The following TENM2 variants were observed in gnomAD, a reference collection of about 807,000 sequenced individuals.
TENM2 encodes the protein teneurin-2.
In TENM2, 52 loss-of-function variants were observed where a neutral mutation model predicts 245.2. The observed-to-expected ratio is 0.21, with a 90% CI of 0.17 to 0.27. The LOEUF is 0.27. TENM2 is among the 10% of genes least tolerant of loss of function. The pLI is 1.00. For synonymous variants in TENM2, 1,363 were observed against 1,438.9 expected (o/e 0.95, Z 1.19); for missense variants, 3,046 against 3,666.8 (o/e 0.83, Z 4.37).
intron 2 of TENM2, among the ~76,000 whole-genome samples, chr5:167,758,833 G>A (rs1762474971): frequency 1.3e-5 from 2 of 151,904 alleles, no homozygotes; most frequent in African/African-American, 4.8e-5. Flanking sequence ...CATATTGCCA[G>A]GTTTGGGTGT....
At chr5:167,230,408 C>G in the TENM2 span, among the ~76,000 whole-genome samples, 1 of 152,166 alleles carries the variant, frequency 6.6e-6, no homozygotes, top group East Asian at 1.9e-4. Flanking sequence ...CCTGACACTT[C>G]TCTGTTGGAT....
intron 2 of TENM2, among the ~76,000 whole-genome samples, chr5:167,675,458 G>A (rs1756253018): frequency 6.6e-6 from 1 of 152,074 alleles, no homozygotes; most frequent in South Asian, 2.1e-4. Flanking sequence ...CACCTTGAAA[G>A]GCTATGTCTG....
intron 2 of TENM2, among the ~76,000 whole-genome samples, chr5:167,403,348 G>A (rs1327793524): frequency 2.6e-5 from 4 of 151,676 alleles, no homozygotes; most frequent in Non-Finnish European, 5.9e-5. Context: ...GTAGCCTGAA[G>A]ACGAAACATA....
At chr5:167,686,174 T>G (rs528638902) in intron 2 of TENM2, among the ~76,000 whole-genome samples, 2 of 152,316 alleles carry the variant, frequency 1.3e-5, no homozygotes, top group African/African-American at 4.8e-5. Context: ...GCAAAGAACA[T>G]CTTTGTAAGG....
At chr5:167,890,852 T>G (rs1774692858) in intron 3 of TENM2, among the ~76,000 whole-genome samples, 1 of 152,230 alleles carries the variant, frequency 6.6e-6, no homozygotes, top group Admixed American at 6.5e-5. Context: ...ATCTCCATGT[T>G]GGCACACCAT....
At chr5:168,187,847 G>A (rs1210190256) in intron 13 of TENM2, 1 of 152,172 alleles carries the variant, frequency 6.6e-6, no homozygotes, top group African/African-American at 2.4e-5. Context: ...GGGAACTGGG[G>A]AGTATCCGAT....
At chr5:167,458,364 G>A (rs1427302300) in intron 2 of TENM2, among the ~76,000 whole-genome samples, 1 of 151,578 alleles carries the variant, frequency 6.6e-6, no homozygotes, top group Admixed American at 6.6e-5. Flanking sequence ...GCACGTGCCT[G>A]TGATCCCAGC....
At chr5:167,604,972 A>G (rs1335368905) in intron 2 of TENM2, among the ~76,000 whole-genome samples, 1 of 152,214 alleles carries the variant, frequency 6.6e-6, no homozygotes, top group African/African-American at 2.4e-5. Context: ...GGAAGATGAT[A>G]TGCTAGGCAA....
At chr5:167,366,129 A>C (rs1464979007) in intron 1 of TENM2, among the ~76,000 whole-genome samples, 1 of 152,026 alleles carries the variant, frequency 6.6e-6, no homozygotes, top group African/African-American at 2.4e-5. Flanking sequence ...TGGTGAAACC[A>C]ATTCAGTTAA....
chr5:167,021,900 A>G, the TENM2 span, among the ~76,000 whole-genome samples: 1 of 152,188 alleles, frequency 6.6e-6, no homozygotes, highest in African/African-American at 2.4e-5. Context: ...TAGTGCCAAC[A>G]CTTCATAGAA....
chr5:168,191,515 A>C (rs1010219342), intron 14 of TENM2, among the ~76,000 whole-genome samples: 1 of 152,048 alleles, frequency 6.6e-6, no homozygotes, highest in Non-Finnish European at 1.5e-5. Context: ...GTGGTCCTTC[A>C]CATCAAGAAA....
At chr5:168,092,962 A>T (rs1793066649) in intron 8 of TENM2, among the ~76,000 whole-genome samples, 1 of 152,178 alleles carries the variant, frequency 6.6e-6, no homozygotes, top group South Asian at 2.1e-4. Context: ...TAGCCACATG[A>T]GGTAGCACTA....
At chr5:167,386,040 C>T (rs1159299203) in intron 2 of TENM2, among the ~76,000 whole-genome samples, 2 of 152,058 alleles carry the variant, frequency 1.3e-5, no homozygotes, top group Non-Finnish European at 2.9e-5. Context: ...TGAGTAGATA[C>T]ACAGTAGTGA....
intron 2 of TENM2, among the ~76,000 whole-genome samples, chr5:167,680,203 A>C (rs1756609144): frequency 6.6e-6 from 1 of 152,074 alleles, no homozygotes; most frequent in African/African-American, 2.4e-5. Flanking sequence ...GGCACTGGGC[A>C]TGGTGATAAA....
intron 2 of TENM2, among the ~76,000 whole-genome samples, chr5:167,597,372 G>T (rs1776297149): frequency 6.6e-6 from 1 of 151,842 alleles, no homozygotes; most frequent in Non-Finnish European, 1.5e-5. Context: ...TCACCATGTT[G>T]GCCAGGCTGG....
chr5:167,141,595 A>G, the TENM2 span, among the ~76,000 whole-genome samples: 1 of 152,188 alleles, frequency 6.6e-6, no homozygotes, highest in African/African-American at 2.4e-5. Flanking sequence ...ATTTGTATTC[A>G]TTGCCAGTGA....
At chr5:167,600,483 G>A (rs1184619491) in intron 2 of TENM2, among the ~76,000 whole-genome samples, 1 of 152,030 alleles carries the variant, frequency 6.6e-6, no homozygotes, top group Admixed American at 6.6e-5. Flanking sequence ...TTCTTTTCCT[G>A]AAAATAGATC....
At chr5:167,958,230 G>C (rs2151870953) in intron 4 of TENM2, among the ~76,000 whole-genome samples, 1 of 152,186 alleles carries the variant, frequency 6.6e-6, no homozygotes, top group Admixed American at 6.5e-5. Flanking sequence ...TTATGTAATG[G>C]CCTTCTTTGT....
the TENM2 span, among the ~76,000 whole-genome samples, chr5:167,075,198 TAGAGAG>T: frequency 6.7e-6 from 1 of 149,206 alleles, no homozygotes; most frequent in Admixed American, 6.7e-5. Context: ...ACTGCAGAGT[TAGAGAG>T]AGAGAGAGAG....
Sources: gnomAD v4.1 joint callset for allele counts (sites outside exome capture counted in the v4.1 genomes callset) on GRCh38, gnomAD v4.1.1 for gene constraint, MANE v1.5 for transcripts, NCBI Gene and HGNC (gene_info 2026-07-23, HGNC 2026-07-21) for gene names.